THRB: variants seen among roughly 807,000 people sequenced by gnomAD.
The protein encoded by THRB is thyroid hormone receptor beta.
In THRB, 12 loss-of-function variants were observed where a neutral mutation model predicts 47.8. That is an observed-to-expected ratio of 0.25 (90% confidence interval 0.16 to 0.41). The LOEUF is 0.41. Ranked by LOEUF, THRB falls within the 10% of genes least tolerant of loss-of-function variation. The probability of loss-of-function intolerance (pLI) is 1.00; values close to 1 mark genes in which losing one functional copy is unlikely to be tolerated. For missense variants in THRB, 348 were observed against 589.2 expected, an observed-to-expected ratio of 0.59 and a Z score of 4.24; for synonymous variants, 218 against 212.2, an observed-to-expected ratio of 1.03 and a Z score of -0.24.
At chr3:24,221,074 G>C (rs568665325) in intron 4 of THRB, among the ~76,000 whole-genome samples, 57 of 152,122 alleles carry the variant, frequency 3.7e-4, no homozygotes, top group African/African-American at 1.4e-3. Context: ...TTACAACACA[G>C]CCAGATTCCA....
chr3:24,311,015 A>G (rs2057719364), intron 2 of THRB, among the ~76,000 whole-genome samples: 1 of 152,144 alleles, frequency 6.6e-6, no homozygotes, highest in African/African-American at 2.4e-5. Context: ...TCTCAAGCAG[A>G]TATCTATGGT....
chr3:24,123,688 C>G (rs1001060115), intron 10 of THRB, among the ~76,000 whole-genome samples: 1 of 152,092 alleles, frequency 6.6e-6, no homozygotes, highest in Non-Finnish European at 1.5e-5. Context: ...TTCCCTTATG[C>G]CTTTAGTAAA....
chr3:24,123,019 A>C lies in THRB; in HGVS notation c.1251T>G (p.Phe417Leu). The C allele has an allele frequency of 1.2e-6, 2 of 1,614,192 alleles. No individual in the cohort carries two copies. Among genetic ancestry groups the C allele is most frequent in the Middle Eastern group, 1.6e-4 (1 of 6,062 alleles). The change falls in exon 11 of 11, where the codon TTT (phenylalanine) becomes TTG (leucine). Residue 417 changes from phenylalanine to leucine, a missense_variant. This residue lies in a region of THRB where 36 missense variants were observed against 51.7 expected (regional missense o/e 0.70). Transcript: ENST00000646209. ...TCACCTTCATCAGGAGTTTTGGCCAAAAGTGTGTCACGTGGTGTTTTCGGT... is the reference window on the plus strand; with the variant it reads ...TCACCTTCATCAGGAGTTTTGGCCACAAGTGTGTCACGTGGTGTTTTCGGT... Reference protein sequence around the residue: ...INYRKHHVTHFWPKLLMKVTD... With the variant: ...INYRKHHVTHLWPKLLMKVTD...
chr3:24,381,030 G>T (rs184000333), intron 1 of THRB, among the ~76,000 whole-genome samples: 176 of 150,824 alleles, frequency 1.2e-3, no homozygotes, highest in African/African-American at 3.6e-3. Context: ...CAGGAGAATT[G>T]CTTGAACTTG....
chr3:24,222,301 A>G lies in THRB; in HGVS notation c.22+6637T>C, dbSNP rs540108267. ...ATGGTTTTCCCTTCCTTTGCTTTCC[A>G]AGGTAAGTGAGGTCCCAAGGAAGAT... On this transcript the variant is annotated intron_variant, in intron 4 of 10. Coordinates refer to ENST00000646209, the MANE Select transcript of THRB (RefSeq NM_001354712.2). Among the ~76,000 whole-genome samples, 4 of 152,338 alleles carry G rather than the reference A, an allele frequency of 2.6e-5. No homozygotes were observed. The East Asian group carries it at 7.7e-4, about 29-fold the overall frequency.
chr3:24,245,850 T>C (rs1023813706), intron 3 of THRB, among the ~76,000 whole-genome samples: 3 of 152,066 alleles, frequency 2.0e-5, no homozygotes, highest in African/African-American at 7.2e-5. Context: ...GAGGCAGAGG[T>C]TGCAGTGAGC....
intron 3 of THRB, among the ~76,000 whole-genome samples, chr3:24,269,943 A>G (rs1338894941): frequency 6.6e-6 from 1 of 152,088 alleles, no homozygotes; most frequent in Non-Finnish European, 1.5e-5. Flanking sequence ...TTGTTTTCTC[A>G]CAAAACTCTT....
chr3:24,293,678 G>A (rs2056176857), intron 3 of THRB, among the ~76,000 whole-genome samples: 1 of 152,170 alleles, frequency 6.6e-6, no homozygotes, highest in African/African-American at 2.4e-5. Context: ...TGGAATTTGG[G>A]TATAGGGTAT....
chr3:24,165,373 T>C (rs1287580515), intron 5 of THRB: 2 of 748,864 alleles, frequency 2.7e-6, no homozygotes, highest in South Asian at 2.8e-5. Flanking sequence ...CCTGGTTCAG[T>C]TTCTAGTTTA....
At chr3:24,404,328 A>T (rs2067655077) in intron 1 of THRB, among the ~76,000 whole-genome samples, 1 of 151,972 alleles carries the variant, frequency 6.6e-6, no homozygotes, top group African/African-American at 2.4e-5. Flanking sequence ...TCCATATTGC[A>T]ACTGTCCTTG....
intron 3 of THRB, among the ~76,000 whole-genome samples, chr3:24,251,124 G>A (rs2050626118): frequency 6.6e-6 from 1 of 152,060 alleles, no homozygotes; most frequent in Non-Finnish European, 1.5e-5. Flanking sequence ...AGAGTAAATA[G>A]AAGCCTTATT....
intron 1 of THRB, among the ~76,000 whole-genome samples, chr3:24,410,297 A>C (rs570540497): frequency 6.6e-6 from 1 of 151,948 alleles, no homozygotes; most frequent in Admixed American, 6.6e-5. Flanking sequence ...CTTCATTCTG[A>C]AATTGAGACT....
intron 4 of THRB, among the ~76,000 whole-genome samples, chr3:24,194,151 A>G (rs1302596039): frequency 1.3e-5 from 2 of 152,194 alleles, no homozygotes; most frequent in Non-Finnish European, 2.9e-5. Flanking sequence ...GGGATAAAAG[A>G]CTACACATTG....
chr3:24,131,876 G>C (rs184977781), intron 9 of THRB, among the ~76,000 whole-genome samples: 120 of 152,312 alleles, frequency 7.9e-4, no homozygotes, highest in African/African-American at 2.7e-3. Flanking sequence ...GCAGTGGCCT[G>C]AACTAAGACA....
At chr3:24,486,925 G>T (rs902752813) in intron 1 of THRB, among the ~76,000 whole-genome samples, 6 of 152,122 alleles carry the variant, frequency 3.9e-5, no homozygotes, top group Admixed American at 2.6e-4. Context: ...AGCAGAAATT[G>T]CAGTGAAGCC....
intron 1 of THRB, among the ~76,000 whole-genome samples, chr3:24,434,394 T>C (rs1429438959): frequency 1.3e-5 from 2 of 152,126 alleles, no homozygotes; most frequent in Non-Finnish European, 2.9e-5. Flanking sequence ...TTGACACACT[T>C]TCCTTGTTGC....
chr3:24,410,882 TAG>T (rs1204741924), intron 1 of THRB, among the ~76,000 whole-genome samples: 1 of 151,890 alleles, frequency 6.6e-6, no homozygotes, highest in Non-Finnish European at 1.5e-5. Flanking sequence ...AGCTCTGATT[TAG>T]AGAGTACTCT....
chr3:24,124,824 T>C (rs1169084593), intron 10 of THRB, among the ~76,000 whole-genome samples: 1 of 152,322 alleles, frequency 6.6e-6, no homozygotes, highest in Non-Finnish European at 1.5e-5. Flanking sequence ...AACTGGAGAC[T>C]TGGGGCCCTG....
intron 3 of THRB, among the ~76,000 whole-genome samples, chr3:24,276,390 T>C (rs1268185257): frequency 6.6e-6 from 1 of 152,194 alleles, no homozygotes; most frequent in African/African-American, 2.4e-5. Flanking sequence ...AATAGTGCAG[T>C]GATTATTAGC....
Sources: gnomAD v4.1 joint callset for allele counts (sites outside exome capture counted in the v4.1 genomes callset) on GRCh38, gnomAD v4.1.1 for gene constraint, gnomAD v4.1.1 regional missense constraint, MANE v1.5 for transcripts, NCBI Gene and HGNC (gene_info 2026-07-23, HGNC 2026-07-21) for gene names.